DCT: variants seen among roughly 807,000 people sequenced by gnomAD.
The protein encoded by DCT is L-dopachrome tautomerase.
Under a neutral mutation model 53.0 loss-of-function variants are expected in DCT, and 47 were observed. The observed-to-expected ratio is 0.89, with a 90% CI of 0.70 to 1.13. The LOEUF (loss-of-function observed/expected upper bound fraction) is 1.13, where lower values mean the gene tolerates loss of function less well. DCT is among the 50% of genes most tolerant of loss of function. The probability of loss-of-function intolerance (pLI) is 0.00; values close to 1 mark genes in which losing one functional copy is unlikely to be tolerated. For synonymous variants in DCT, 244 were observed against 237.0 expected (o/e 1.03, Z -0.27); for missense variants, 669 against 637.4 (o/e 1.05, Z -0.53).
chr13:94,543,430 C>T, the DCT span, among the ~76,000 whole-genome samples: 1 of 152,126 alleles, frequency 6.6e-6, no homozygotes, highest in Non-Finnish European at 1.5e-5. Context: ...TATTGGACAG[C>T]AGTTGTCTAG....
chr13:94,521,896 A>G, the DCT span, among the ~76,000 whole-genome samples: 3 of 152,244 alleles, frequency 2.0e-5, no homozygotes, highest in African/African-American at 4.8e-5. Context: ...CCTAATACCT[A>G]ACATGTCCCA....
At chr13:94,447,359 G>T (rs1882799372) in intron 6 of DCT, among the ~76,000 whole-genome samples, 1 of 152,168 alleles carries the variant, frequency 6.6e-6, no homozygotes, top group African/African-American at 2.4e-5. Context: ...GTGCAACCTA[G>T]GGCCCTCTCA....
the DCT span, among the ~76,000 whole-genome samples, chr13:94,498,106 G>A: frequency 6.6e-6 from 1 of 152,300 alleles, no homozygotes; most frequent in East Asian, 1.9e-4. Context: ...CCTCAGGAAG[G>A]GAACAATCTT....
upstream of DCT, among the ~76,000 whole-genome samples, chr13:94,480,971 G>A (rs1885415730): frequency 6.6e-6 from 1 of 152,226 alleles, no homozygotes; most frequent in African/African-American, 2.4e-5. Flanking sequence ...TGAAGGTGTT[G>A]GCAGGACTGG....
At chr13:94,519,208 A>G in the DCT span, among the ~76,000 whole-genome samples, 2 of 152,178 alleles carry the variant, frequency 1.3e-5, no homozygotes, top group Non-Finnish European at 2.9e-5. Context: ...ATTGTGAACT[A>G]CTTGGGTAGT....
chr13:94,458,566 G>A lies in DCT; in HGVS notation c.1179+1525C>T, dbSNP rs550179843. Reference sequence around the variant, plus strand: ...CGCCTGTAATCCCAGGACTTTGGGAGGCTGAGGTGGGCAGATCAGGAGGTC... The same window carrying A: ...CGCCTGTAATCCCAGGACTTTGGGAAGCTGAGGTGGGCAGATCAGGAGGTC... On this transcript the variant is annotated intron_variant, in intron 6 of 7. Coordinates refer to ENST00000377028, the MANE Select transcript of DCT (RefSeq NM_001922.5). 2.0e-5 allele frequency among the ~76,000 whole-genome samples: 3 copies of A among 152,242 alleles called. No individual in the cohort carries two copies. The South Asian group carries it at 6.2e-4, about 32-fold the overall frequency.
At chr13:94,537,368 C>T in the DCT span, among the ~76,000 whole-genome samples, 1 of 152,160 alleles carries the variant, frequency 6.6e-6, no homozygotes, top group Admixed American at 6.5e-5. Context: ...GCTGTTGTTG[C>T]TAAGACATTT....
At chr13:94,460,327 G>GT (rs1475904626) in intron 5 of DCT, 101 bp from the exon 6 acceptor site, 1 of 1,100,956 alleles carries the variant, frequency 9.1e-7, no homozygotes, top group East Asian at 2.5e-5. Flanking sequence ...TTGAGATTGG[G>GT]TAGGGATATG....
rs1882166869 is a variant in DCT at position 94,439,967 on chromosome 13, T to C, written c.1491A>G (p.Arg497=). ...TTAGGGGTGTATATCCTTTTCGAAG[T>C]CTTCTATATTGAAGAAAAGCCAACA... The part of the protein sequence containing the change: ...FVLLAFLQYR[R]LRKGYTPLME... Residue 497 remains arginine, a synonymous_variant, in exon 8 of 8, where the codon AGA becomes AGG. Transcript: ENST00000377028. The C allele has an allele frequency of 6.2e-7, 1 of 1,613,862 alleles. No individual in the cohort carries two copies.
At chr13:94,533,158 GATC>G in the DCT span, among the ~76,000 whole-genome samples, 3 of 150,076 alleles carry the variant, frequency 2.0e-5, no homozygotes, top group Non-Finnish European at 4.4e-5. Flanking sequence ...GCAATTACTG[GATC>G]ATACAGGGAG....
At chr13:94,466,470 G>T (rs1884225679) in intron 3 of DCT, 88 bp downstream of exon 3, 3 of 721,882 alleles carry the variant, frequency 4.2e-6, no homozygotes, top group Non-Finnish European at 6.7e-6. Flanking sequence ...ATCAAGATAA[G>T]TATATCAAAA....
At chr13:94,534,282 C>T in the DCT span, among the ~76,000 whole-genome samples, 1,863 of 152,196 alleles carry the variant, frequency 0.012, 39 homozygotes, top group African/African-American at 0.043. Context: ...GAAATCAAAC[C>T]CTGATGTCTC....
the DCT span, among the ~76,000 whole-genome samples, chr13:94,488,800 T>C: frequency 0.58 from 86,372 of 150,106 alleles, 24,922 homozygotes; most frequent in Middle Eastern, 0.69. Flanking sequence ...TACACACACA[T>C]ATACACATAC....
At chr13:94,531,836 C>G in the DCT span, among the ~76,000 whole-genome samples, 1 of 152,124 alleles carries the variant, frequency 6.6e-6, no homozygotes, top group Non-Finnish European at 1.5e-5. Flanking sequence ...AAAAAACTAT[C>G]ATCAGAGTGA....
the DCT span, among the ~76,000 whole-genome samples, chr13:94,509,291 T>C: frequency 6.6e-6 from 1 of 152,180 alleles, no homozygotes; most frequent in African/African-American, 2.4e-5. Flanking sequence ...ATGTCAGCTG[T>C]GGAGAGCCTG....
rs796519282 is a variant in DCT, at chr13:94,440,676, G to T, written c.1382-600C>A. On this transcript the variant is annotated intron_variant, in intron 7 of 7. Coordinates refer to ENST00000377028, the MANE Select transcript of DCT (RefSeq NM_001922.5). Reference sequence around the variant, plus strand: ...CAAAATTAGTGGATTTCATTTTTTGGTTTTTTTTTTTTTTTTTTTTTTTAG... The same window carrying T: ...CAAAATTAGTGGATTTCATTTTTTGTTTTTTTTTTTTTTTTTTTTTTTTAG... 3.5e-3 allele frequency among the ~76,000 whole-genome samples: 339 copies of T among 98,052 alleles called. 2 individuals are homozygous for T. The highest frequency in any genetic ancestry group is 0.012 in the Middle Eastern group (1 of 84). 64.3% of individuals were successfully genotyped at this position (98,052 alleles called of 152,430 possible). A position where few individuals can be genotyped will look rare whatever the true frequency, so the allele number is the denominator to read the frequency against.
the DCT span, among the ~76,000 whole-genome samples, chr13:94,504,450 C>G: frequency 6.6e-6 from 1 of 152,296 alleles, no homozygotes; most frequent in East Asian, 1.9e-4. Flanking sequence ...TCACTGCAAC[C>G]TCCACCTCCC....
At position 94,447,127 on chromosome 13, in the gene DCT, A is replaced by G. The variant is rs1390570905; in HGVS notation, c.1180-3490T>C. The stretch of plus-strand genomic sequence containing the variant: ...CACACAGCTAATATATGGTAGAGTA[A>G]GAATTTGAACCCAGGAAGTCTGGTT... On this transcript the variant is annotated intron_variant, in intron 6 of 7. Transcript: ENST00000377028. 2.2e-4 allele frequency among the ~76,000 whole-genome samples: 34 copies of G among 152,220 alleles called. 1 individual carries two copies. Among genetic ancestry groups the G allele is most frequent in the Admixed American group, 2.2e-3 (34 of 15,284 alleles).
rs542531507 is a variant in DCT at position 94,438,543 on chromosome 13, A to T, written c.*1355T>A. The stretch of plus-strand genomic sequence containing the variant: ...TAACACCCATTCTTTACATTCATTC[A>T]TTCCAGTAGAGAGGGGCCTCGACAG... On this transcript the variant is annotated 3_prime_UTR_variant, in exon 8 of 8. Coordinates refer to ENST00000377028, the MANE Select transcript of DCT (RefSeq NM_001922.5). 7.0e-4 allele frequency: 319 copies of T among 453,682 alleles called. 2 individuals carry two copies. Among genetic ancestry groups the T allele is most frequent in the Admixed American group, 3.0e-3 (126 of 42,072 alleles). 28.1% of individuals were successfully genotyped at this position (453,682 alleles called of 1,614,324 possible).
Sources: gnomAD v4.1 joint callset for allele counts (sites outside exome capture counted in the v4.1 genomes callset) on GRCh38, gnomAD v4.1.1 for gene constraint, MANE v1.5 for transcripts, NCBI Gene and HGNC (gene_info 2026-07-23, HGNC 2026-07-21) for gene names.